The following ALDH1A1 variants were observed in gnomAD, a reference collection of about 807,000 sequenced individuals.
The protein encoded by ALDH1A1 is aldehyde dehydrogenase 1 family member A1, also known as aldehyde dehydrogenase 1A1.
In ALDH1A1, 19 loss-of-function variants were observed where a neutral mutation model predicts 62.1. That is an observed-to-expected ratio of 0.31 (90% CI 0.21 to 0.45). ALDH1A1 has a LOEUF of 0.45. Ranked by LOEUF, ALDH1A1 falls within the 20% of genes least tolerant of loss-of-function variation. ALDH1A1 has a pLI of 1.00. For missense variants in ALDH1A1, 521 were observed against 607.1 expected (o/e 0.86, Z 1.49); for synonymous variants, 231 against 215.9 (o/e 1.07, Z -0.61).
intron 5 of ALDH1A1, 122 bp downstream of exon 5, chr9:72,926,993 CT>C: frequency 1.4e-6 from 1 of 719,056 alleles, no homozygotes; most frequent in Non-Finnish European, 2.2e-6. Context: ...TTCAACAAAT[CT>C]TACATTTACT....
intron 2 of ALDH1A1, among the ~76,000 whole-genome samples, chr9:72,933,228 G>A (rs984728878): frequency 6.6e-6 from 1 of 152,148 alleles, no homozygotes; most frequent in Non-Finnish European, 1.5e-5. Context: ...CTAGCTAAAG[G>A]TTTGATAAAT....
intron 10 of ALDH1A1, 83 bp from the exon 11 acceptor site, chr9:72,909,842 C>A: frequency 1.7e-6 from 2 of 1,201,060 alleles, no homozygotes; most frequent in South Asian, 1.6e-5. Context: ...TTTTCCTACA[C>A]GCTATCCTAA....
At chr9:72,904,434 C>T (rs866692360) in intron 12 of ALDH1A1, among the ~76,000 whole-genome samples, 3 of 152,094 alleles carry the variant, frequency 2.0e-5, no homozygotes, top group South Asian at 2.1e-4. Context: ...ACTAGCCCCT[C>T]AACATACCAC....
intron 2 of ALDH1A1, among the ~76,000 whole-genome samples, chr9:72,936,287 T>C (rs1830345537): frequency 6.6e-6 from 1 of 152,196 alleles, no homozygotes; most frequent in Admixed American, 6.5e-5. Context: ...GTCCTCAGAC[T>C]GCCTGACAAG....
chr9:72,944,184 A>G (rs1830448049), intron 1 of ALDH1A1, among the ~76,000 whole-genome samples: 1 of 152,090 alleles, frequency 6.6e-6, no homozygotes, highest in Admixed American at 6.6e-5. Context: ...TACTGATTTT[A>G]AAGTATCCCA....
chr9:72,933,327 G>C (rs567948192), intron 2 of ALDH1A1, among the ~76,000 whole-genome samples: 1 of 152,138 alleles, frequency 6.6e-6, no homozygotes, highest in African/African-American at 2.4e-5. Context: ...TCAATCAAAT[G>C]GGAGAGACAT....
At chr9:72,922,510 G>A (rs937300599) in intron 7 of ALDH1A1, among the ~76,000 whole-genome samples, 3 of 152,094 alleles carry the variant, frequency 2.0e-5, no homozygotes, top group Admixed American at 1.3e-4. Context: ...CTAGACCAGG[G>A]TTGTTCAATC....
intron 12 of ALDH1A1, among the ~76,000 whole-genome samples, chr9:72,903,135 A>C (rs541778053): frequency 6.6e-6 from 1 of 152,152 alleles, no homozygotes; most frequent in African/African-American, 2.4e-5. Flanking sequence ...ATTAGTTTAC[A>C]CTTCCTTGCT....
intron 4 of ALDH1A1, 52 bp from the exon 5 acceptor site, chr9:72,927,229 A>T (rs1830223059): frequency 7.4e-7 from 1 of 1,355,520 alleles, no homozygotes; most frequent in South Asian, 1.3e-5. Flanking sequence ...TTTGACATTC[A>T]CAAAATGGTG....
At chr9:72,945,702 G>T (rs1175976708) in intron 1 of ALDH1A1, among the ~76,000 whole-genome samples, 1 of 151,918 alleles carries the variant, frequency 6.6e-6, no homozygotes, top group African/African-American at 2.4e-5. Context: ...GTCAGGTGGG[G>T]TGTTAAACAT....
intron 1 of ALDH1A1, among the ~76,000 whole-genome samples, chr9:72,942,812 A>G (rs1330285): frequency 0.023 from 3,537 of 152,198 alleles, 66 homozygotes; most frequent in South Asian, 0.063. Context: ...TTCAAATTCT[A>G]GCTTACTGCG....
At chr9:72,908,111 C>T (rs1829899244) in intron 11 of ALDH1A1, among the ~76,000 whole-genome samples, 1 of 151,750 alleles carries the variant, frequency 6.6e-6, no homozygotes, top group Admixed American at 6.6e-5. Flanking sequence ...GGCTGAGAAC[C>T]ACAGCCTTAG....
At chr9:72,904,776 C>A (rs1395315512) in intron 12 of ALDH1A1, among the ~76,000 whole-genome samples, 2 of 151,862 alleles carry the variant, frequency 1.3e-5, no homozygotes, top group Non-Finnish European at 2.9e-5. Context: ...ATACTTTGCT[C>A]GGTACTTTAA....
intron 5 of ALDH1A1, among the ~76,000 whole-genome samples, chr9:72,926,003 T>C (rs796514911): frequency 2.6e-5 from 4 of 152,356 alleles, no homozygotes; most frequent in African/African-American, 9.6e-5. Flanking sequence ...AATAATATTA[T>C]TTAGTAGCTT....
rs188753209 is a variant in ALDH1A1 at position 72,932,666 on chromosome 9, G to A, written c.172-1647C>T. On this transcript the variant is annotated intron_variant, in intron 2 of 12. Coordinates refer to ENST00000297785, the MANE Select transcript of ALDH1A1 (RefSeq NM_000689.5). ...AATACATATACAGTGCATATTTGCG[G>A]CATTCAGTTAATCACATTGATTGCT... Among the ~76,000 whole-genome samples the A allele has an allele frequency of 3.0e-4, 46 of 152,208 alleles. 1 individual carries two copies. Among genetic ancestry groups the A allele is most frequent in the Admixed American group, 6.5e-5 (1 of 15,282 alleles).
chr9:72,925,655 G>A (rs767857748), intron 5 of ALDH1A1, 43 bp from the exon 6 acceptor site: 1 of 1,595,024 alleles, frequency 6.3e-7, no homozygotes, highest in Non-Finnish European at 8.5e-7. Flanking sequence ...TATTGCAAAA[G>A]GCATATTTGC....
At chr9:72,925,360 A>T (rs1830191457) in intron 6 of ALDH1A1, 124 bp downstream of exon 6, 1 of 1,114,974 alleles carries the variant, frequency 9.0e-7, no homozygotes, top group Admixed American at 2.7e-5. Flanking sequence ...TGCTAAATGT[A>T]TTCCCCCCAC....
intron 12 of ALDH1A1, among the ~76,000 whole-genome samples, chr9:72,904,185 AG>A (rs1243727112): frequency 6.6e-6 from 1 of 152,102 alleles, no homozygotes; most frequent in African/African-American, 2.4e-5. Context: ...TGGCAGAATT[AG>A]GAATCAAATT....
At position 72,924,145 on chromosome 9, in the gene ALDH1A1, A is replaced by C. The variant is rs1830176602; in HGVS notation, c.634-13T>G. 6.4e-7 allele frequency: 1 copy of C among 1,570,374 alleles called. No individual in the cohort carries two copies. The highest frequency in any genetic ancestry group is 1.1e-5 in the South Asian group (1 of 87,326). Reference sequence around the variant, plus strand: ...GAGGAAACCCTGCCTAAAAGATAAAAAGTTTAAAAGTTACAGTATAAGAAT... The same window carrying C: ...GAGGAAACCCTGCCTAAAAGATAAACAGTTTAAAAGTTACAGTATAAGAAT... On this transcript the variant is annotated splice_polypyrimidine_tract_variant and intron_variant, in intron 6 of 12. Coordinates refer to ENST00000297785, the MANE Select transcript of ALDH1A1 (RefSeq NM_000689.5).
Sources: gnomAD v4.1 joint callset for allele counts (sites outside exome capture counted in the v4.1 genomes callset) on GRCh38, gnomAD v4.1.1 for gene constraint, MANE v1.5 for transcripts, NCBI Gene and HGNC (gene_info 2026-07-23, HGNC 2026-07-21) for gene names.